NRG1: variants seen among roughly 807,000 people sequenced by gnomAD.
NRG1 encodes pro-neuregulin-1, membrane-bound isoform.
Under a neutral mutation model 63.8 loss-of-function variants are expected in NRG1, and 18 were observed. The ratio of observed to expected loss-of-function variants is 0.28; its 90% CI spans 0.19 to 0.42. NRG1 has a LOEUF of 0.42. Among genes scored for constraint, NRG1 ranks in the 10% least tolerant of loss-of-function variants. The pLI is 1.00. For missense variants in NRG1, 762 were observed against 814.7 expected (o/e 0.94, Z 0.79); for synonymous variants, 302 against 301.3 (o/e 1.00, Z -0.02).
chr8:31,954,464 A>T (rs1431444717), intron 1 of NRG1, among the ~76,000 whole-genome samples: 1 of 152,182 alleles, frequency 6.6e-6, no homozygotes, highest in Non-Finnish European at 1.5e-5. Context: ...GTTTTAGTGT[A>T]CCTAAACACA....
chr8:31,811,319 G>A (rs1243470478), intron 1 of NRG1, among the ~76,000 whole-genome samples: 2 of 152,178 alleles, frequency 1.3e-5, no homozygotes, highest in African/African-American at 4.8e-5. Flanking sequence ...CTGTGTAAGT[G>A]TGGGCTTTGA....
chr8:32,380,137 T>C (rs746874682), intron 1 of NRG1, among the ~76,000 whole-genome samples: 4 of 152,136 alleles, frequency 2.6e-5, no homozygotes, highest in Non-Finnish European at 5.9e-5. Flanking sequence ...CACTTTTCTG[T>C]TCTTATTTTA....
At position 31,907,204 on chromosome 8, in the gene NRG1, A is replaced by T. The variant is rs368933694; in HGVS notation, c.37+267773A>T. On this transcript the variant is annotated intron_variant, in intron 1 of 10. Transcript: ENST00000519301. ...CCTCCAACGTAAATGACAGTGAAAG[A>T]ATATGATGAACTCCTGATGGGTTGA... Among the ~76,000 whole-genome samples, 6 of 139,042 alleles carry T rather than the reference A, an allele frequency of 4.3e-5. No homozygotes were observed. In the East Asian group the frequency reaches 1.2e-3, roughly 28 times the overall value. 91.2% of individuals were successfully genotyped at this position (139,042 alleles called of 152,430 possible). A position where few individuals can be genotyped will look rare whatever the true frequency, so the allele number is the denominator to read the frequency against.
intron 5 of NRG1, among the ~76,000 whole-genome samples, chr8:32,726,416 T>C (rs186137640): frequency 9.1e-4 from 139 of 152,250 alleles, no homozygotes; most frequent in Admixed American, 7.5e-3. Context: ...AATGGGAATA[T>C]TGAGCATCTG....
intron 1 of NRG1, among the ~76,000 whole-genome samples, chr8:31,812,641 C>T (rs13271736): frequency 6.9e-6 from 1 of 145,946 alleles, no homozygotes; most frequent in Non-Finnish European, 1.5e-5. Context: ...CCCTTCCCAT[C>T]CCCTCCCATC....
At chr8:31,779,179 T>C (rs568010783) in intron 1 of NRG1, among the ~76,000 whole-genome samples, 3 of 152,288 alleles carry the variant, frequency 2.0e-5, no homozygotes, top group South Asian at 4.1e-4. Flanking sequence ...CATCTGTTGA[T>C]TGGGGTTCAT....
chr8:31,755,731 G>A (rs956972190), intron 1 of NRG1, among the ~76,000 whole-genome samples: 6 of 152,060 alleles, frequency 3.9e-5, no homozygotes, highest in African/African-American at 9.7e-5. Context: ...GCAGCAGCGC[G>A]TATTTACTTG....
At chr8:32,554,803 A>G (rs538663837) in intron 1 of NRG1, among the ~76,000 whole-genome samples, 1 of 152,338 alleles carries the variant, frequency 6.6e-6, no homozygotes, top group African/African-American at 2.4e-5. Flanking sequence ...ACATAAGAGC[A>G]GAGATGATCA....
intron 1 of NRG1, among the ~76,000 whole-genome samples, chr8:32,146,606 G>T (rs1836893074): frequency 6.6e-6 from 1 of 152,008 alleles, no homozygotes; most frequent in South Asian, 2.1e-4. Flanking sequence ...GGCACAAAAG[G>T]GTTGAGACCT....
chr8:32,153,134 G>T (rs1301190626), intron 1 of NRG1, among the ~76,000 whole-genome samples: 1 of 152,166 alleles, frequency 6.6e-6, no homozygotes, highest in African/African-American at 2.4e-5. Context: ...TTGTGGCTGG[G>T]ATTTGGGGGA....
chr8:32,465,796 A>G (rs140777418), intron 1 of NRG1, among the ~76,000 whole-genome samples: 2 of 152,356 alleles, frequency 1.3e-5, no homozygotes, highest in African/African-American at 4.8e-5. Context: ...AAAATACAGC[A>G]TATATAGTTC....
chr8:32,434,750 C>A (rs35374077), intron 1 of NRG1, among the ~76,000 whole-genome samples: 1 of 151,760 alleles, frequency 6.6e-6, no homozygotes, highest in East Asian at 1.9e-4. Context: ...CCTCCCATAT[C>A]TGGGGATTCT....
chr8:32,542,393 A>G (rs1832661632), intron 1 of NRG1, among the ~76,000 whole-genome samples: 1 of 152,184 alleles, frequency 6.6e-6, no homozygotes, highest in South Asian at 2.1e-4. Flanking sequence ...AAGTACACAC[A>G]CACTTCTGTA....
At position 32,693,508 on chromosome 8, in the gene NRG1, A is replaced by G. The variant is rs554713943; in HGVS notation, c.503-34441A>G. On this transcript the variant is annotated intron_variant, in intron 5 of 11. Coordinates refer to ENST00000356819, the Ensembl canonical transcript of NRG1. ...TGGGATTACAGGCGTGAGCCACCAC[A>G]CCCGGCCAGGTCACTCATTTTTTAA... Among the ~76,000 whole-genome samples the G allele has an allele frequency of 1.2e-4, 16 of 137,144 alleles. No homozygotes were observed. The South Asian group carries it at 1.4e-3, about 12-fold the overall frequency. 90.0% of individuals were successfully genotyped at this position (137,144 alleles called of 152,430 possible).
At chr8:32,068,426 G>A (rs1274751026) in intron 1 of NRG1, among the ~76,000 whole-genome samples, 1 of 152,184 alleles carries the variant, frequency 6.6e-6, no homozygotes, top group Non-Finnish European at 1.5e-5. Flanking sequence ...TTTAGCACAG[G>A]ATGAGATGCC....
chr8:31,640,420 G>T lies in NRG1; in HGVS notation c.37+989G>T. On this transcript the variant is annotated intron_variant, in intron 1 of 10. Transcript: ENST00000519301. This position sits in a 1 kb window ranked among gnomAD's most constrained non-coding sequence, Gnocchi z 6.3. Reference sequence around the variant, plus strand: ...CGGGACCGTGCCCTCTTGGCCCACCGCCCCGGTGCCCAGCGCCGGCGAGCC... The same window carrying T: ...CGGGACCGTGCCCTCTTGGCCCACCTCCCCGGTGCCCAGCGCCGGCGAGCC... 6.7e-7 allele frequency: 1 copy of T among 1,492,386 alleles called. No individual in the cohort carries two copies. The highest frequency in any genetic ancestry group is 8.9e-7 in the Non-Finnish European group (1 of 1,119,940). 92.4% of individuals were successfully genotyped at this position (1,492,386 alleles called of 1,614,324 possible).
In NRG1 at chr8:32,661,217, T is replaced by C. The variant is rs118078264; in HGVS notation, c.502+44332T>C. ...GTATATCTGAATTTATTGCTGTAAC[T>C]TCTTATTCTGTCATAAAATGGTGGA... On this transcript the variant is annotated intron_variant, in intron 5 of 11. Transcript: ENST00000356819. 7.7e-3 allele frequency among the ~76,000 whole-genome samples: 1,171 copies of C among 152,378 alleles called. 6 individuals are homozygous for C. The highest frequency in any genetic ancestry group is 0.024 in the Middle Eastern group (7 of 294).
chr8:31,805,786 C>T (rs1822212041), intron 1 of NRG1, among the ~76,000 whole-genome samples: 1 of 142,704 alleles, frequency 7.0e-6, no homozygotes, highest in Non-Finnish European at 1.5e-5. Flanking sequence ...CGAGATTGCG[C>T]CAGGGCACTC....
intron 1 of NRG1, among the ~76,000 whole-genome samples, chr8:31,967,020 G>A (rs1026770913): frequency 7.2e-5 from 11 of 152,016 alleles, no homozygotes; most frequent in Non-Finnish European, 4.4e-5. Flanking sequence ...ATTATGTTTT[G>A]TTTGGGATCA....
Sources: allele counts gnomAD v4.1 joint callset (sites outside exome capture counted in the v4.1 genomes callset), GRCh38; gene constraint gnomAD v4.1.1; non-coding constraint Gnocchi (gnomAD v3.1); transcripts MANE v1.5; gene names NCBI Gene and HGNC (gene_info 2026-07-23, HGNC 2026-07-21).